CTNNBL1: variants seen among roughly 807,000 people sequenced by gnomAD.
CTNNBL1 encodes beta-catenin-like protein 1.
CTNNBL1 carries 31 observed loss-of-function variants against 72.7 expected under a neutral mutation model. The observed-to-expected ratio is 0.43, with a 90% CI of 0.32 to 0.58. CTNNBL1 has a LOEUF of 0.58. Ranked by LOEUF, CTNNBL1 falls within the 20% of genes least tolerant of loss-of-function variation. The probability of loss-of-function intolerance (pLI) is 0.08; values close to 1 mark genes in which losing one functional copy is unlikely to be tolerated. For missense variants in CTNNBL1, 534 were observed against 725.1 expected, an observed-to-expected ratio of 0.74 and a Z score of 3.03; for synonymous variants, 240 against 267.3, an observed-to-expected ratio of 0.90 and a Z score of 1.00.
chr20:37,778,724 A>G (rs1158009186), intron 9 of CTNNBL1, among the ~76,000 whole-genome samples: 1 of 152,168 alleles, frequency 6.6e-6, no homozygotes, highest in Non-Finnish European at 1.5e-5. Flanking sequence ...GGTTGCTTTT[A>G]GAAGGGAAAG....
At chr20:37,754,900 T>C (rs1159848240) in intron 4 of CTNNBL1, among the ~76,000 whole-genome samples, 1 of 152,020 alleles carries the variant, frequency 6.6e-6, no homozygotes, top group East Asian at 1.9e-4. Context: ...CTCCAACTCC[T>C]GGGTTCAAAC....
At chr20:37,870,408 A>C (rs1303491982) in intron 15 of CTNNBL1, among the ~76,000 whole-genome samples, 1 of 151,920 alleles carries the variant, frequency 6.6e-6, no homozygotes, top group East Asian at 1.9e-4. Context: ...TGTTGGCACC[A>C]GCACCTGTGC....
intron 10 of CTNNBL1, among the ~76,000 whole-genome samples, chr20:37,789,376 T>C (rs1390003768): frequency 1.3e-5 from 2 of 152,236 alleles, no homozygotes; most frequent in African/African-American, 4.8e-5. Context: ...AGAATTAACA[T>C]ATGAACATGA....
intron 15 of CTNNBL1, among the ~76,000 whole-genome samples, chr20:37,861,183 G>T (rs1026651962): frequency 1.3e-5 from 2 of 152,230 alleles, no homozygotes; most frequent in Non-Finnish European, 2.9e-5. Flanking sequence ...ACAGCATCCA[G>T]TCTGTACCTG....
At chr20:37,727,377 A>G (rs1481613754) in intron 1 of CTNNBL1, 3 of 983,642 alleles carry the variant, frequency 3.0e-6, no homozygotes, top group Non-Finnish European at 3.6e-6. Flanking sequence ...TCTATCTATT[A>G]TCGTGAAGCC....
chr20:37,746,509 A>T lies in CTNNBL1; in HGVS notation c.368A>T (p.Glu123Val). The T allele has an allele frequency of 6.2e-7, 1 of 1,614,044 alleles. No individual in the cohort carries two copies. Among genetic ancestry groups the T allele is most frequent in the Non-Finnish European group, 8.5e-7 (1 of 1,179,956 alleles). The part of the protein sequence containing the change: ...SELDLNDIIQ[E>V]MHVVATMPDL... ...CTGGACCTAAATGACATCATTCAGG[A>T]GATGCACGTGGTGGCCACCATGCCA... The change falls in exon 4 of 16, where the codon GAG becomes GTG. Residue 123 changes from glutamate to valine, a missense_variant. Physicochemically the swap from Glu to Val is moderately radical, Grantham distance 121. Transcript: ENST00000361383.
intron 3 of CTNNBL1, among the ~76,000 whole-genome samples, chr20:37,741,102 C>A (rs559511597): frequency 9.7e-4 from 148 of 152,204 alleles, no homozygotes; most frequent in Non-Finnish European, 1.7e-3. Flanking sequence ...GGAAAATATT[C>A]TCTGTCATAT....
intron 10 of CTNNBL1, among the ~76,000 whole-genome samples, chr20:37,796,613 T>G (rs1042288444): frequency 3.9e-5 from 6 of 152,164 alleles, no homozygotes; most frequent in African/African-American, 1.4e-4. Context: ...TGTATATTGA[T>G]CTTATATTTA....
intron 1 of CTNNBL1, among the ~76,000 whole-genome samples, chr20:37,729,893 G>C (rs2073115622): frequency 6.6e-6 from 1 of 152,166 alleles, no homozygotes; most frequent in Admixed American, 6.5e-5. Context: ...GGGTAGAGCA[G>C]TAATGATGAT....
intron 1 of CTNNBL1, among the ~76,000 whole-genome samples, chr20:37,720,686 T>C (rs1011326593): frequency 6.6e-6 from 1 of 152,220 alleles, no homozygotes; most frequent in Non-Finnish European, 1.5e-5. Flanking sequence ...TGGGACACTT[T>C]CAGTGAATGT....
At chr20:37,758,842 G>T (rs6067531) in intron 5 of CTNNBL1, among the ~76,000 whole-genome samples, 1 of 152,306 alleles carries the variant, frequency 6.6e-6, no homozygotes, top group Admixed American at 6.5e-5. Context: ...CTACTTTCTA[G>T]TCCTACCCAA....
chr20:37,756,400 T>TTC (rs11468896), intron 4 of CTNNBL1: 8,885 of 148,462 alleles, frequency 0.06, 291 homozygotes, highest in African/African-American at 0.08. Flanking sequence ...AGGTGTCTGT[T>TTC]TCTCTCTCTC....
intron 13 of CTNNBL1, among the ~76,000 whole-genome samples, chr20:37,858,457 A>C (rs184769406): frequency 1.3e-5 from 2 of 152,350 alleles, no homozygotes; most frequent in African/African-American, 4.8e-5. Context: ...TAAAATCAGG[A>C]AAGCCTTTGT....
At chr20:37,777,290 G>T (rs1378111587) in intron 7 of CTNNBL1, 55 bp from the exon 8 acceptor site, 3 of 1,418,096 alleles carry the variant, frequency 2.1e-6, no homozygotes, top group African/African-American at 2.8e-5. Flanking sequence ...AATTTGTCCT[G>T]GGGAAGGAAG....
At chr20:37,812,836 G>A (rs1277527793) in intron 11 of CTNNBL1, among the ~76,000 whole-genome samples, 1 of 152,196 alleles carries the variant, frequency 6.6e-6, no homozygotes, top group Non-Finnish European at 1.5e-5. Flanking sequence ...ATGTTACAAG[G>A]TAAAGATGTA....
chr20:37,803,954 C>T (rs893276138), intron 11 of CTNNBL1, among the ~76,000 whole-genome samples: 2 of 152,040 alleles, frequency 1.3e-5, no homozygotes, highest in Admixed American at 6.6e-5. Flanking sequence ...TGAGAACTCC[C>T]GCCTCTCTCT....
At chr20:37,776,802 G>C (rs1380627864) in intron 7 of CTNNBL1, among the ~76,000 whole-genome samples, 1 of 152,096 alleles carries the variant, frequency 6.6e-6, no homozygotes, top group Non-Finnish European at 1.5e-5. Flanking sequence ...GTTTTAAGTA[G>C]TAGGCAGATT....
At chr20:37,802,821 T>A in intron 10 of CTNNBL1, 46 bp from the exon 11 acceptor site, 1 of 1,469,468 alleles carries the variant, frequency 6.8e-7, no homozygotes, top group Non-Finnish European at 9.3e-7. Context: ...TTAAGCTCTA[T>A]AATTTCCCCA....
chr20:37,713,490 C>G (rs745842578), intron 1 of CTNNBL1, among the ~76,000 whole-genome samples: 4 of 152,152 alleles, frequency 2.6e-5, no homozygotes, highest in Non-Finnish European at 5.9e-5. Context: ...CTATGCTTCA[C>G]CTTGTGTGAG....
Sources: gnomAD v4.1 joint callset for allele counts (sites outside exome capture counted in the v4.1 genomes callset) on GRCh38, gnomAD v4.1.1 for gene constraint, MANE v1.5 for transcripts, NCBI Gene and HGNC (gene_info 2026-07-23, HGNC 2026-07-21) for gene names.